INO80: variants seen among roughly 807,000 people sequenced by gnomAD.
INO80 encodes the protein chromatin-remodeling ATPase INO80.
In INO80, 20 loss-of-function variants were observed where a neutral mutation model predicts 203.4. The observed-to-expected ratio is 0.10, with a 90% CI of 0.07 to 0.14. INO80 has a LOEUF of 0.14. Ranked by LOEUF, INO80 falls within the 10% of genes least tolerant of loss-of-function variation. INO80 has a pLI of 1.00. For missense variants in INO80, 1,419 were observed against 1,914.4 expected, an observed-to-expected ratio of 0.74 and a Z score of 4.83; for synonymous variants, 726 against 685.2, an observed-to-expected ratio of 1.06 and a Z score of -0.93.
chr15:41,081,303 T>C (rs1434921137), intron 7 of INO80, among the ~76,000 whole-genome samples: 2 of 152,220 alleles, frequency 1.3e-5, no homozygotes, highest in Non-Finnish European at 2.9e-5. Flanking sequence ...AATAGTCTTC[T>C]GTATACTTTT....
chr15:41,023,123 A>C (rs562433933), intron 25 of INO80: 1 of 360,634 alleles, frequency 2.8e-6, no homozygotes, highest in East Asian at 7.5e-5. Flanking sequence ...AAAAAAGTTA[A>C]AAAAAGAAGG....
chr15:41,097,428 A>G (rs2045742506), intron 1 of INO80, among the ~76,000 whole-genome samples: 1 of 152,186 alleles, frequency 6.6e-6, no homozygotes, highest in Non-Finnish European at 1.5e-5. Context: ...AAGACTAAAT[A>G]ATGACATAAT....
chr15:41,096,799 AT>A (rs1015365578), intron 1 of INO80, among the ~76,000 whole-genome samples: 1 of 152,242 alleles, frequency 6.6e-6, no homozygotes, highest in African/African-American at 2.4e-5. Flanking sequence ...TGCCCTCTTC[AT>A]TTTGAATTCA....
intron 4 of INO80, 88 bp downstream of exon 4, chr15:41,095,513 A>G: frequency 1.1e-6 from 1 of 917,372 alleles, no homozygotes; most frequent in Non-Finnish European, 1.7e-6. Context: ...AAACTCTGTC[A>G]ATCTGCCAAA....
chr15:41,020,858 T>C, intron 26 of INO80, 42 bp downstream of exon 26: 1 of 1,304,912 alleles, frequency 7.7e-7, no homozygotes, highest in Non-Finnish European at 1.1e-6. Flanking sequence ...GTTCTCCCCT[T>C]GCCAAAGCGA....
chr15:41,065,498 T>C (rs1346143322), intron 14 of INO80, among the ~76,000 whole-genome samples: 1 of 152,036 alleles, frequency 6.6e-6, no homozygotes, highest in African/African-American at 2.4e-5. Context: ...AGAATTACCA[T>C]ATGACCTAGC....
At chr15:41,015,962 A>T in intron 27 of INO80, 126 bp downstream of exon 27, 1 of 740,250 alleles carries the variant, frequency 1.4e-6, no homozygotes, top group Non-Finnish European at 2.2e-6. Context: ...AAAAAAAAGG[A>T]AAAAGAAAAA....
chr15:41,062,483 A>C (rs1478241757), intron 14 of INO80, among the ~76,000 whole-genome samples: 5 of 152,186 alleles, frequency 3.3e-5, no homozygotes, highest in Non-Finnish European at 7.3e-5. Context: ...CAGTGAGTGG[A>C]GATCACACCA....
intron 5 of INO80, among the ~76,000 whole-genome samples, chr15:41,090,071 T>C (rs986958761): frequency 3.9e-5 from 6 of 152,186 alleles, no homozygotes; most frequent in Non-Finnish European, 8.8e-5. Flanking sequence ...AGTAGAAATA[T>C]GCTAATCATA....
intron 23 of INO80, among the ~76,000 whole-genome samples, chr15:41,045,446 G>A (rs940576690): frequency 6.6e-6 from 1 of 152,030 alleles, no homozygotes; most frequent in Non-Finnish European, 1.5e-5. Context: ...AAAGGGCGTG[G>A]TGTCAGGCAC....
intron 26 of INO80, chr15:41,018,612 C>CTA (rs1165788408): frequency 1.3e-5 from 2 of 152,222 alleles, no homozygotes; most frequent in Non-Finnish European, 2.9e-5. Context: ...AAAATGAACA[C>CTA]TATCTCTGAT....
At chr15:40,981,671 A>G (rs1318708685) in intron 35 of INO80, among the ~76,000 whole-genome samples, 4 of 152,228 alleles carry the variant, frequency 2.6e-5, no homozygotes, top group Admixed American at 6.5e-5. Flanking sequence ...AAAGGTCTGT[A>G]AGTGGCTCTC....
chr15:41,079,889 T>G lies in INO80; in HGVS notation c.943A>C (p.Met315Leu), dbSNP rs149058589. Residue 315 changes from methionine to leucine, a missense_variant, in exon 9 of 36, where the codon ATG becomes CTG. Met to Leu is a conservative substitution (Grantham distance 15). Coordinates refer to ENST00000648947, the MANE Select transcript of INO80 (RefSeq NM_017553.3). Reference sequence around the variant, plus strand: ...AAGGCAGCTCGACGCACCTCCTTCATGCACTGGTGAGCAAGCTGAAAACAA... The same window carrying G: ...AAGGCAGCTCGACGCACCTCCTTCAGGCACTGGTGAGCAAGCTGAAAACAA... ...TNSRKLAHQCMKEVRRAALQA... is the reference protein window; with the variant it reads ...TNSRKLAHQCLKEVRRAALQA... The G allele has an allele frequency of 1.3e-5, 21 of 1,614,044 alleles. No individual in the cohort carries two copies. Among genetic ancestry groups the G allele is most frequent in the Non-Finnish European group, 1.7e-5 (20 of 1,180,012 alleles).
chr15:41,080,838 G>A (rs1403503155), intron 8 of INO80, among the ~76,000 whole-genome samples, 182 bp downstream of exon 8: 1 of 152,158 alleles, frequency 6.6e-6, no homozygotes, highest in Non-Finnish European at 1.5e-5. Flanking sequence ...GGGTGGCTGA[G>A]ACTCTGTCTC....
At chr15:41,008,871 T>C (rs2044090760) in intron 27 of INO80, among the ~76,000 whole-genome samples, 1 of 152,234 alleles carries the variant, frequency 6.6e-6, no homozygotes. Flanking sequence ...TCTCGCTCTG[T>C]TGCCCAGGCT....
rs1026544712 is a variant in INO80, at chr15:41,079,726, C to T, written c.1106G>A (p.Arg369Gln). The T allele has an allele frequency of 4.3e-6, 7 of 1,614,038 alleles. No homozygotes were observed. Among genetic ancestry groups the T allele is most frequent in the Non-Finnish European group, 5.9e-6 (7 of 1,180,036 alleles). ...CTCCCGCATTTCCTCATCCAACTTC[C>T]GCTGCTCCAAAGCTTCCTTCTCTGC... The part of the protein sequence containing the change: ...KRAEKEALEQ[R>Q]KLDEEMREAK... The change falls in exon 9 of 36, where the codon CGG becomes CAG. Residue 369 changes from arginine to glutamine, a missense_variant. Physicochemically the swap from Arg to Gln is conservative, Grantham distance 43. This residue lies in a region of INO80 where 87 missense variants were observed against 150.5 expected (regional missense o/e 0.58). Coordinates refer to ENST00000648947, the MANE Select transcript of INO80 (RefSeq NM_017553.3).
intron 27 of INO80, among the ~76,000 whole-genome samples, chr15:41,012,268 G>A (rs1027713507): frequency 3.7e-4 from 57 of 152,228 alleles, no homozygotes; most frequent in Middle Eastern, 6.8e-3. Flanking sequence ...ATGCCCAACA[G>A]CCAAGATCCT....
At chr15:40,987,277 A>C in intron 30 of INO80, 84 bp from the exon 31 acceptor site, 2 of 811,504 alleles carry the variant, frequency 2.5e-6, no homozygotes, top group Non-Finnish European at 2.1e-6. Flanking sequence ...CATCGTTCTC[A>C]ACCCACTCCT....
At chr15:41,071,797 T>C (rs1253337136) in intron 12 of INO80, 52 bp downstream of exon 12, 2 of 1,478,360 alleles carry the variant, frequency 1.4e-6, no homozygotes, top group East Asian at 2.3e-5. Flanking sequence ...ATTGAACAAA[T>C]GACTTTAGGA....
Sources: allele counts gnomAD v4.1 joint callset (sites outside exome capture counted in the v4.1 genomes callset), GRCh38; gene constraint gnomAD v4.1.1; regional missense constraint gnomAD v4.1.1; transcripts MANE v1.5; gene names NCBI Gene and HGNC (gene_info 2026-07-23, HGNC 2026-07-21).